HHAT: variants seen among roughly 807,000 people sequenced by gnomAD.
HHAT encodes hedgehog acyltransferase, also known as protein-cysteine N-palmitoyltransferase HHAT.
Under a neutral mutation model 70.8 loss-of-function variants are expected in HHAT, and 47 were observed. The observed-to-expected ratio is 0.66, with a 90% CI of 0.53 to 0.85. HHAT has a LOEUF of 0.85. Among genes scored for constraint, HHAT ranks in the 40% least tolerant of loss-of-function variants. HHAT has a pLI of 0.00. For synonymous variants in HHAT, 228 were observed against 247.6 expected (o/e 0.92, Z 0.74); for missense variants, 609 against 604.8 (o/e 1.01, Z -0.07).
intron 11 of HHAT, among the ~76,000 whole-genome samples, chr1:210,631,640 G>A (rs1291054871): frequency 6.6e-6 from 1 of 152,238 alleles, no homozygotes; most frequent in Admixed American, 6.5e-5. Context: ...CAGGGAAACA[G>A]AATTATCTCA....
At chr1:210,369,313 A>G (rs532121346) in intron 3 of HHAT, among the ~76,000 whole-genome samples, 1 of 152,346 alleles carries the variant, frequency 6.6e-6, no homozygotes, top group Admixed American at 6.5e-5. Context: ...CTGTTCTTTC[A>G]GAAGTAAAAT....
intron 9 of HHAT, among the ~76,000 whole-genome samples, chr1:210,558,828 A>G (rs2095596358): frequency 6.6e-6 from 1 of 152,140 alleles, no homozygotes; most frequent in Non-Finnish European, 1.5e-5. Context: ...GGCTGGGATG[A>G]TGGGGCATCC....
At chr1:210,350,461 A>G (rs1240219657) in intron 2 of HHAT, among the ~76,000 whole-genome samples, 1 of 152,114 alleles carries the variant, frequency 6.6e-6, no homozygotes, top group African/African-American at 2.4e-5. Context: ...TGAGAGTTTT[A>G]TTGTTTTCCT....
chr1:210,605,119 G>A (rs1162254251), intron 10 of HHAT, among the ~76,000 whole-genome samples: 1 of 152,204 alleles, frequency 6.6e-6, no homozygotes, highest in Non-Finnish European at 1.5e-5. Flanking sequence ...TTGCCAAAGA[G>A]GAAATGGTAC....
intron 3 of HHAT, among the ~76,000 whole-genome samples, chr1:210,373,502 G>A (rs2089765884): frequency 6.6e-6 from 1 of 152,154 alleles, no homozygotes; most frequent in Admixed American, 6.5e-5. Flanking sequence ...ATGTAAAGTG[G>A]GGTGTCTTTG....
intron 8 of HHAT, among the ~76,000 whole-genome samples, chr1:210,510,851 A>G (rs1273834406): frequency 6.6e-6 from 1 of 152,162 alleles, no homozygotes; most frequent in African/African-American, 2.4e-5. Context: ...ACCCCACTAT[A>G]TACTGCGGAT....
intron 10 of HHAT, among the ~76,000 whole-genome samples, chr1:210,598,304 G>A (rs189156062): frequency 3.9e-5 from 6 of 152,050 alleles, no homozygotes; most frequent in African/African-American, 1.2e-4. Context: ...GTTGGGGGAC[G>A]GGTGATGCAA....
chr1:210,340,241 A>AGGGG lies in HHAT; in HGVS notation c.-43-8691_-43-8690insGGGG, dbSNP rs142468999. ...GGGGGATAGAGCAAGACTCTGTCTCAGAAAAAAAAAAAAAAAAAAAAAAAA... is the reference window on the plus strand; with the variant it reads ...GGGGGATAGAGCAAGACTCTGTCTCAGGGGGAAAAAAAAAAAAAAAAAAAAAAAA... On this transcript the variant is annotated intron_variant, in intron 1 of 11. Coordinates refer to ENST00000261458, the MANE Select transcript of HHAT (RefSeq NM_018194.6). 5.9e-4 allele frequency among the ~76,000 whole-genome samples: 29 copies of AGGGG among 49,172 alleles called. No individual in the cohort carries two copies. The South Asian group carries it at 0.012, about 20-fold the overall frequency. 32.3% of individuals were successfully genotyped at this position (49,172 alleles called of 152,430 possible).
At chr1:210,369,500 C>T (rs887702939) in intron 3 of HHAT, among the ~76,000 whole-genome samples, 3 of 152,204 alleles carry the variant, frequency 2.0e-5, no homozygotes, top group African/African-American at 7.2e-5. Context: ...TTTATAAATG[C>T]CTCTGCATTT....
intron 8 of HHAT, among the ~76,000 whole-genome samples, chr1:210,482,182 G>A (rs1312167958): frequency 2.0e-5 from 3 of 152,148 alleles, no homozygotes; most frequent in Non-Finnish European, 4.4e-5. Flanking sequence ...GCCAAGCCTA[G>A]ATGTCATCAT....
At chr1:210,365,309 GTTTTTTTTTT>G (rs4027290) in intron 3 of HHAT, among the ~76,000 whole-genome samples, 2 of 78,420 alleles carry the variant, frequency 2.6e-5, no homozygotes, top group South Asian at 5.5e-4. Context: ...ACTGCTGACA[GTTTTTTTTTT>G]TTTTTTTTTT....
At chr1:210,373,508 CTT>C (rs754791373) in intron 3 of HHAT, among the ~76,000 whole-genome samples, 48 of 152,186 alleles carry the variant, frequency 3.2e-4, no homozygotes, top group Non-Finnish European at 6.5e-4. Flanking sequence ...AGTGGGGTGT[CTT>C]TGTGTGGGGA....
At chr1:210,507,352 CTTTTTTCTTTTTTTT>C (rs1026269253) in intron 8 of HHAT, among the ~76,000 whole-genome samples, 2 of 138,350 alleles carry the variant, frequency 1.4e-5, no homozygotes, top group African/African-American at 5.1e-5. Flanking sequence ...AAACATTTTT[CTTTTTTCTTTTTTTT>C]TTTTTTTTTT....
intron 8 of HHAT, among the ~76,000 whole-genome samples, chr1:210,484,169 G>A (rs1433465074): frequency 1.3e-5 from 2 of 152,196 alleles, no homozygotes; most frequent in African/African-American, 4.8e-5. Context: ...ACAGAGAATA[G>A]AATGGAAAAA....
chr1:210,672,035 C>T (rs903930507), intron 11 of HHAT, among the ~76,000 whole-genome samples: 9 of 152,120 alleles, frequency 5.9e-5, no homozygotes, highest in Non-Finnish European at 1.3e-4. Context: ...TTTTTAGTTC[C>T]CATGCTATGC....
chr1:210,523,983 A>T (rs1288573699), intron 9 of HHAT, among the ~76,000 whole-genome samples: 2 of 152,246 alleles, frequency 1.3e-5, no homozygotes, highest in Non-Finnish European at 2.9e-5. Context: ...AGCTAAATGA[A>T]ATCAGATGCT....
rs752632405 is a variant in HHAT, at chr1:210,404,460, G to A, written c.469-4G>A. On this transcript the variant is annotated splice_polypyrimidine_tract_variant and splice_region_variant and intron_variant, in intron 5 of 11. Coordinates refer to ENST00000261458, the MANE Select transcript of HHAT (RefSeq NM_018194.6). ...AAGGTTGTTCTCTCCTTTTGATTTT[G>A]TAGAGAAGGTGGTACAAGACAGAAA... The A allele has an allele frequency of 3.1e-6, 5 of 1,609,550 alleles. No individual in the cohort carries two copies. Among genetic ancestry groups the A allele is most frequent in the East Asian group, 2.2e-5 (1 of 44,874 alleles).
At chr1:210,656,502 G>C (rs375915615) in intron 11 of HHAT, among the ~76,000 whole-genome samples, 1 of 152,142 alleles carries the variant, frequency 6.6e-6, no homozygotes, top group South Asian at 2.1e-4. Flanking sequence ...CCAGGCAGCC[G>C]TGCTCATCCC....
chr1:210,402,322 C>T (rs2092117271), intron 5 of HHAT, among the ~76,000 whole-genome samples: 1 of 152,188 alleles, frequency 6.6e-6, no homozygotes, highest in African/African-American at 2.4e-5. Context: ...TGATGTTTCC[C>T]ACCTTCATCG....
Sources: allele counts gnomAD v4.1 joint callset (sites outside exome capture counted in the v4.1 genomes callset), GRCh38; gene constraint gnomAD v4.1.1; transcripts MANE v1.5; gene names NCBI Gene and HGNC (gene_info 2026-07-23, HGNC 2026-07-21).